TBK1: variants seen among roughly 807,000 people sequenced by gnomAD.
TBK1 encodes the protein TANK binding kinase 1.
A neutral mutation model predicts 99.9 loss-of-function variants in TBK1; 37 were observed. The observed-to-expected ratio is 0.37, with a 90% CI of 0.28 to 0.49. The LOEUF (loss-of-function observed/expected upper bound fraction) is 0.49, where lower values mean the gene tolerates loss of function less well. TBK1 is among the 20% of genes least tolerant of loss of function. The probability of loss-of-function intolerance (pLI) is 0.98; values close to 1 mark genes in which losing one functional copy is unlikely to be tolerated. For synonymous variants in TBK1, 258 were observed against 279.8 expected, an observed-to-expected ratio of 0.92 and a Z score of 0.78; for missense variants, 644 against 872.5, an observed-to-expected ratio of 0.74 and a Z score of 3.30.
At chr12:64,496,244 A>G (rs542168370) in intron 15 of TBK1, 123 bp from the exon 16 acceptor site, 2 of 428,996 alleles carry the variant, frequency 4.7e-6, no homozygotes, top group East Asian at 8.3e-5. Context: ...CCAATGAGCC[A>G]CAAATCTATG....
At chr12:64,496,611 G>A (rs114050873) in intron 16 of TBK1, among the ~76,000 whole-genome samples, 16 of 152,080 alleles carry the variant, frequency 1.1e-4, no homozygotes, top group Non-Finnish European at 1.9e-4. Flanking sequence ...GGAGAAGGAG[G>A]GGGGAGAAAG....
At chr12:64,483,636 C>G (rs760567229) in intron 8 of TBK1, among the ~76,000 whole-genome samples, 16 of 152,152 alleles carry the variant, frequency 1.1e-4, no homozygotes, top group Non-Finnish European at 2.4e-4. Flanking sequence ...AGTGGAAGAG[C>G]TGAGATTTGA....
chr12:64,469,228 C>A (rs956138219), intron 5 of TBK1, among the ~76,000 whole-genome samples: 2 of 151,964 alleles, frequency 1.3e-5, no homozygotes, highest in African/African-American at 4.8e-5. Context: ...GGAACAGAGG[C>A]AGGACTCAGA....
chr12:64,487,052 C>T (rs2040827310), intron 11 of TBK1, among the ~76,000 whole-genome samples: 1 of 152,104 alleles, frequency 6.6e-6, no homozygotes, highest in African/African-American at 2.4e-5. Context: ...TTCAGAATAA[C>T]TGGTTATCTA....
intron 11 of TBK1, 140 bp from the exon 12 acceptor site, chr12:64,488,347 T>C (rs1006368990): frequency 2.6e-5 from 13 of 506,636 alleles, no homozygotes; most frequent in Non-Finnish European, 4.5e-5. Context: ...ATTATAATAA[T>C]GTTTCAAAAA....
intron 5 of TBK1, among the ~76,000 whole-genome samples, chr12:64,467,736 A>C (rs2040621265): frequency 6.6e-6 from 1 of 151,968 alleles, no homozygotes; most frequent in Non-Finnish European, 1.5e-5. Context: ...TTGCATTTGG[A>C]TTGTGCTGTT....
chr12:64,495,498 G>A lies in TBK1; in HGVS notation c.1537G>A (p.Gly513Arg), dbSNP rs2040916158. The part of the protein sequence containing the change: ...TKLLRLSSSQ[G>R]TIETSLQDID... Reference sequence around the variant, plus strand: ...TTTTATTTAGCTTTCCAGTTCTCAGGGAACAATAGAAACCAGTCTTCAGGA... The same window carrying A: ...TTTTATTTAGCTTTCCAGTTCTCAGAGAACAATAGAAACCAGTCTTCAGGA... Residue 513 changes from glycine (G) to arginine (R), a missense_variant, in exon 14 of 21, where the codon GGA becomes AGA. This residue lies in a region of TBK1 where 465 missense variants were observed against 588.0 expected (regional missense o/e 0.79). Coordinates refer to ENST00000331710, the MANE Select transcript of TBK1 (RefSeq NM_013254.4). 6.2e-7 allele frequency: 1 copy of A among 1,613,622 alleles called. No individual in the cohort carries two copies. The highest frequency in any genetic ancestry group is 1.7e-5 in the Admixed American group (1 of 59,922).
intron 5 of TBK1, among the ~76,000 whole-genome samples, chr12:64,469,500 A>T (rs191433119): frequency 6.6e-6 from 1 of 152,154 alleles, no homozygotes; most frequent in African/African-American, 2.4e-5. Flanking sequence ...TGGTCTTCTC[A>T]GTTATATTTG....
At chr12:64,491,202 G>A (rs1592373276) in intron 13 of TBK1, among the ~76,000 whole-genome samples, 2 of 152,258 alleles carry the variant, frequency 1.3e-5, no homozygotes, top group East Asian at 1.9e-4. Flanking sequence ...GCCTACTCAT[G>A]ACTGGCTACT....
At chr12:64,461,060 A>G (rs2040543852) in intron 3 of TBK1, among the ~76,000 whole-genome samples, 1 of 151,666 alleles carries the variant, frequency 6.6e-6, no homozygotes, top group South Asian at 2.1e-4. Context: ...AGCATGGGTG[A>G]TGGAGTGAGA....
At chr12:64,492,198 G>A (rs773969590) in intron 13 of TBK1, among the ~76,000 whole-genome samples, 2 of 152,132 alleles carry the variant, frequency 1.3e-5, no homozygotes, top group Non-Finnish European at 2.9e-5. Context: ...TTTATTTCCA[G>A]GGCCAGCATC....
chr12:64,489,586 TGAGA>T (rs1199285812), intron 12 of TBK1, among the ~76,000 whole-genome samples: 4 of 151,556 alleles, frequency 2.6e-5, no homozygotes, highest in Non-Finnish European at 4.4e-5. Context: ...TTTTTTTTTT[TGAGA>T]GAGAGTCTCA....
rs757157619 is a variant in TBK1 at position 64,496,418 on chromosome 12, GATT to G, written c.1760+15_1760+17del. ...CACAAATTTGATAAGTAAGTATCCA[GATT>G]ATGTTTAATAGTTATTTTTGGTGCT... On this transcript the variant is annotated intron_variant, in intron 16 of 20. Transcript: ENST00000331710. 8 of 1,230,468 alleles carry G rather than the reference GATT, an allele frequency of 6.5e-6. No homozygotes were observed. The allele number at this position is 1,230,468 out of a possible 1,614,324, so 76.2% of individuals were successfully genotyped here. A position where few individuals can be genotyped will look rare whatever the true frequency, so the allele number is the denominator to read the frequency against.
rs1221139478 is a variant in TBK1 at position 64,480,132 on chromosome 12, G to T, written c.812+10G>T. On this transcript the variant is annotated intron_variant, in intron 7 of 20. Transcript: ENST00000331710. ...CTTGCAGTCTTTCTCGGTAAGTATG[G>T]TGTACCTAATTCTCATCTTTTGCAC... The T allele has an allele frequency of 4.4e-6, 7 of 1,599,940 alleles. No homozygotes were observed. The highest frequency in any genetic ancestry group is 6.0e-6 in the Non-Finnish European group (7 of 1,170,494).
intron 2 of TBK1, among the ~76,000 whole-genome samples, chr12:64,458,794 T>C (rs2040517115): frequency 6.6e-6 from 1 of 152,120 alleles, no homozygotes; most frequent in Non-Finnish European, 1.5e-5. Flanking sequence ...AAAATCACTC[T>C]GTTGGGTGAT....
chr12:64,469,628 T>C (rs2040641623), intron 5 of TBK1, among the ~76,000 whole-genome samples: 2 of 152,214 alleles, frequency 1.3e-5, no homozygotes, highest in South Asian at 4.1e-4. Context: ...CCTTGTCTTT[T>C]CTCTTAGAGC....
intron 20 of TBK1, among the ~76,000 whole-genome samples, chr12:64,499,700 T>TTC (rs1449092168): frequency 2.8e-5 from 4 of 141,732 alleles, no homozygotes; most frequent in African/African-American, 7.9e-5. Flanking sequence ...GTGCTTTTTT[T>TTC]TTTTTTTTTT....
intron 5 of TBK1, among the ~76,000 whole-genome samples, chr12:64,473,218 G>A (rs747562926): frequency 3.2e-4 from 49 of 152,166 alleles, no homozygotes; most frequent in Non-Finnish European, 6.3e-4. Context: ...AGAATAGTAG[G>A]ATATATGAAT....
At chr12:64,464,312 A>C (rs1400879528) in intron 3 of TBK1, 22 bp from the exon 4 acceptor site, 3 of 1,463,980 alleles carry the variant, frequency 2.0e-6, no homozygotes, top group African/African-American at 2.0e-5. Flanking sequence ...GTTGATTCCC[A>C]ATCAATGATT....
Sources: allele counts gnomAD v4.1 joint callset (sites outside exome capture counted in the v4.1 genomes callset), GRCh38; gene constraint gnomAD v4.1.1; regional missense constraint gnomAD v4.1.1; transcripts MANE v1.5; gene names NCBI Gene and HGNC (gene_info 2026-07-23, HGNC 2026-07-21).